The following CADM2 variants were observed in gnomAD, a reference collection of about 807,000 sequenced individuals.
CADM2 encodes cell adhesion molecule 2, also known as immunoglobulin superfamily member 4D.
A neutral mutation model predicts 49.8 loss-of-function variants in CADM2; 12 were observed. The ratio of observed to expected loss-of-function variants is 0.24; its 90% confidence interval spans 0.15 to 0.39. The LOEUF (loss-of-function observed/expected upper bound fraction) is 0.39. Ranked by LOEUF, CADM2 falls within the 10% of genes least tolerant of loss-of-function variation. CADM2 has a pLI of 1.00. For missense variants in CADM2, 378 were observed against 492.3 expected (o/e 0.77, Z 2.20); for synonymous variants, 214 against 175.4 (o/e 1.22, Z -1.74).
chr3:85,301,211 G>GCAGA (rs1264539773), intron 1 of CADM2, among the ~76,000 whole-genome samples: 1 of 152,080 alleles, frequency 6.6e-6, no homozygotes, highest in Non-Finnish European at 1.5e-5. Flanking sequence ...GGGAGCTGAT[G>GCAGA]CAGACATAGC....
At chr3:85,838,457 G>T (rs2108255761) in intron 3 of CADM2, among the ~76,000 whole-genome samples, 1 of 151,880 alleles carries the variant, frequency 6.6e-6, no homozygotes, top group South Asian at 2.1e-4. Flanking sequence ...CTGTTGTGAA[G>T]AGTAAGTTTA....
At chr3:85,641,987 A>G (rs1277771589) in intron 1 of CADM2, among the ~76,000 whole-genome samples, 1 of 152,136 alleles carries the variant, frequency 6.6e-6, no homozygotes. Context: ...TGCACTTACT[A>G]CAGTTCTCAG....
At chr3:85,204,285 A>G (rs1033184654) in intron 1 of CADM2, among the ~76,000 whole-genome samples, 2 of 152,056 alleles carry the variant, frequency 1.3e-5, no homozygotes, top group Non-Finnish European at 2.9e-5. Context: ...ATTTAATTTT[A>G]TTGATTTCAA....
chr3:85,327,589 C>A (rs943480648), intron 1 of CADM2, among the ~76,000 whole-genome samples: 9 of 115,278 alleles, frequency 7.8e-5, no homozygotes, highest in African/African-American at 2.1e-4. Context: ...CACACACACA[C>A]CACACACACA....
intron 1 of CADM2, among the ~76,000 whole-genome samples, chr3:85,086,547 T>A (rs2037384917): frequency 6.7e-6 from 1 of 149,196 alleles, no homozygotes; most frequent in African/African-American, 2.5e-5. Flanking sequence ...AGTCTCGCTT[T>A]GTTGCCCAGG....
chr3:86,048,088 A>C (rs1002701897), intron 8 of CADM2, among the ~76,000 whole-genome samples: 5 of 152,150 alleles, frequency 3.3e-5, no homozygotes, highest in African/African-American at 1.2e-4. Flanking sequence ...ATACCTGTTA[A>C]GGTAGATGGA....
chr3:85,068,879 G>C (rs1036053383), intron 1 of CADM2, among the ~76,000 whole-genome samples: 1 of 151,430 alleles, frequency 6.6e-6, no homozygotes, highest in African/African-American at 2.4e-5. Context: ...TCTGAAGATT[G>C]TTCTATGGTA....
In CADM2 at chr3:85,769,494, T is replaced by TGTATATATAC. The variant is rs1350318355; in HGVS notation, c.89-32553_89-32552insGTATATATAC. 1.1e-4 allele frequency among the ~76,000 whole-genome samples: 7 copies of TGTATATATAC among 61,156 alleles called. 1 individual carries two copies. Among genetic ancestry groups the TGTATATATAC allele is most frequent in the South Asian group, 6.2e-4 (1 of 1,624 alleles). 40.1% of individuals were successfully genotyped at this position (61,156 alleles called of 152,430 possible). A position where few individuals can be genotyped will look rare whatever the true frequency, so the allele number is the denominator to read the frequency against. On this transcript the variant is annotated intron_variant, in intron 2 of 9. Coordinates refer to ENST00000383699, the MANE Select transcript of CADM2 (RefSeq NM_001167675.2). ...GTATATATACACGTATATACATATA[T>TGTATATATAC]ACATATATGTATATATACACGTATA...
intron 1 of CADM2, among the ~76,000 whole-genome samples, chr3:85,121,908 A>T (rs959491467): frequency 6.6e-6 from 1 of 151,972 alleles, no homozygotes; most frequent in African/African-American, 2.4e-5. Context: ...ATATATTGAC[A>T]TTTTCATTTA....
chr3:85,405,700 G>A (rs1559823312), intron 1 of CADM2, among the ~76,000 whole-genome samples: 1 of 151,354 alleles, frequency 6.6e-6, no homozygotes, highest in African/African-American at 2.4e-5. Flanking sequence ...AAAGCTCCTA[G>A]TTTTTTTTTA....
chr3:85,440,359 T>C (rs2037143051), intron 1 of CADM2, among the ~76,000 whole-genome samples: 1 of 152,186 alleles, frequency 6.6e-6, no homozygotes, highest in African/African-American at 2.4e-5. Context: ...TCTCCAGCCT[T>C]AGGTTTCCGA....
intron 1 of CADM2, among the ~76,000 whole-genome samples, chr3:85,215,738 A>G (rs780076489): frequency 3.3e-5 from 5 of 152,122 alleles, no homozygotes; most frequent in Admixed American, 2.6e-4. Flanking sequence ...CCGGGACTCA[A>G]GTTCCTACTG....
chr3:85,134,786 A>G (rs954022797), intron 1 of CADM2, among the ~76,000 whole-genome samples: 2 of 152,084 alleles, frequency 1.3e-5, no homozygotes, highest in Non-Finnish European at 2.9e-5. Context: ...ATAATTGTGC[A>G]AATTTTTTAA....
intron 1 of CADM2, among the ~76,000 whole-genome samples, chr3:85,203,355 G>A (rs926007526): frequency 5.3e-5 from 8 of 152,186 alleles, no homozygotes; most frequent in African/African-American, 1.9e-4. Context: ...ATATTATTGT[G>A]TGCAGAGATA....
intron 8 of CADM2, among the ~76,000 whole-genome samples, chr3:86,036,296 C>A (rs1054307383): frequency 1.3e-5 from 2 of 152,054 alleles, no homozygotes; most frequent in Non-Finnish European, 2.9e-5. Flanking sequence ...TCTATTGGTT[C>A]TTTTGCAGTT....
At chr3:85,641,578 C>T (rs2064714146) in intron 1 of CADM2, among the ~76,000 whole-genome samples, 1 of 152,074 alleles carries the variant, frequency 6.6e-6, no homozygotes, top group Admixed American at 6.6e-5. Flanking sequence ...ATATCTTAAA[C>T]ATTTTTCCTT....
intron 1 of CADM2, among the ~76,000 whole-genome samples, chr3:85,334,773 T>G (rs1356047804): frequency 6.6e-6 from 1 of 151,538 alleles, no homozygotes; most frequent in African/African-American, 2.4e-5. Context: ...ATTACTGACT[T>G]AGTTTCTTCT....
At chr3:85,859,216 T>C (rs1429034217) in intron 3 of CADM2, among the ~76,000 whole-genome samples, 4 of 142,002 alleles carry the variant, frequency 2.8e-5, no homozygotes, top group African/African-American at 1.0e-4. Flanking sequence ...TGCTTTTCTT[T>C]TTTTTGTCTT....
intron 1 of CADM2, among the ~76,000 whole-genome samples, chr3:85,366,848 T>C (rs2032822949): frequency 6.6e-6 from 1 of 152,030 alleles, no homozygotes; most frequent in Non-Finnish European, 1.5e-5. Context: ...ATATTTGATT[T>C]TTACCAAATA....
Sources: allele counts gnomAD v4.1 joint callset (sites outside exome capture counted in the v4.1 genomes callset), GRCh38; gene constraint gnomAD v4.1.1; transcripts MANE v1.5; gene names NCBI Gene and HGNC (gene_info 2026-07-23, HGNC 2026-07-21).